UPP2: variants seen among roughly 807,000 people sequenced by gnomAD.
UPP2 encodes uridine phosphorylase 2.
Under a neutral mutation model 26.7 loss-of-function variants are expected in UPP2, and 23 were observed. The ratio of observed to expected loss-of-function variants is 0.86; its 90% CI spans 0.62 to 1.22. The LOEUF is 1.22. Ranked by LOEUF, UPP2 falls within the 50% of genes most tolerant of loss-of-function variation. The probability of loss-of-function intolerance (pLI) is 0.00; values close to 1 mark genes in which losing one functional copy is unlikely to be tolerated. For synonymous variants in UPP2, 127 were observed against 141.3 expected, an observed-to-expected ratio of 0.90 and a Z score of 0.72; for missense variants, 387 against 396.7, an observed-to-expected ratio of 0.98 and a Z score of 0.21.
chr2:157,995,927 C>A (rs1683318406), intron 2 of UPP2, among the ~76,000 whole-genome samples: 1 of 151,838 alleles, frequency 6.6e-6, no homozygotes, highest in Admixed American at 6.6e-5. Flanking sequence ...AGTGAAATAT[C>A]CTATTCAAAG....
At chr2:158,036,994 T>C (rs1248539366) in intron 3 of UPP2, among the ~76,000 whole-genome samples, 1 of 152,166 alleles carries the variant, frequency 6.6e-6, no homozygotes, top group Non-Finnish European at 1.5e-5. Flanking sequence ...GTTTCCTATC[T>C]TCAAGTTCAT....
chr2:158,023,607 C>A (rs533972739), intron 3 of UPP2, among the ~76,000 whole-genome samples: 1 of 152,126 alleles, frequency 6.6e-6, no homozygotes, highest in Non-Finnish European at 1.5e-5. Context: ...TGGTCTCTTG[C>A]CTTTCACATC....
chr2:158,001,425 G>C (rs561609192), intron 2 of UPP2, among the ~76,000 whole-genome samples: 31 of 152,194 alleles, frequency 2.0e-4, no homozygotes, highest in African/African-American at 7.2e-4. Flanking sequence ...AGTGGCCCAA[G>C]GAGAGGGAGC....
At chr2:158,017,951 A>G (rs1248797576) in intron 3 of UPP2, among the ~76,000 whole-genome samples, 1 of 152,198 alleles carries the variant, frequency 6.6e-6, no homozygotes, top group Admixed American at 6.5e-5. Flanking sequence ...TATATGTCAT[A>G]TATATATGCA....
chr2:158,002,923 TTTC>T (rs983410786), intron 2 of UPP2, among the ~76,000 whole-genome samples: 4 of 152,172 alleles, frequency 2.6e-5, no homozygotes, highest in Admixed American at 6.5e-5. Context: ...TCCTTTTTCT[TTTC>T]TTTCATCTCT....
At chr2:158,119,149 G>C (rs780984013) in intron 4 of UPP2, among the ~76,000 whole-genome samples, 6 of 152,038 alleles carry the variant, frequency 3.9e-5, no homozygotes, top group African/African-American at 1.4e-4. Flanking sequence ...TGGGTTGTGG[G>C]TTACAAGGAT....
At chr2:158,125,713 C>T (rs1056160006) in intron 6 of UPP2, among the ~76,000 whole-genome samples, 1 of 152,178 alleles carries the variant, frequency 6.6e-6, no homozygotes, top group Non-Finnish European at 1.5e-5. Flanking sequence ...AGCCACCACG[C>T]CCAGCCCATC....
chr2:158,079,934 C>T lies in UPP2; in HGVS notation c.148-22106C>T, dbSNP rs184695360. 2.1e-3 allele frequency among the ~76,000 whole-genome samples: 315 copies of T among 152,262 alleles called. 2 individuals carry two copies. The highest frequency in any genetic ancestry group is 2.2e-3 in the Non-Finnish European group (150 of 68,020). The stretch of plus-strand genomic sequence containing the variant: ...ACTATTTGCACAGAGACAACCAAGC[C>T]ATTCAGCGTAATCATCATCTGTGTT... On this transcript the variant is annotated intron_variant, in intron 3 of 9. Coordinates refer to the UPP2 transcript ENST00000605860.
At chr2:158,025,417 G>T (rs1244055718) in intron 3 of UPP2, among the ~76,000 whole-genome samples, 1 of 152,130 alleles carries the variant, frequency 6.6e-6, no homozygotes, top group Non-Finnish European at 1.5e-5. Flanking sequence ...GAGTGTGGAG[G>T]CCAGCAGGCC....
At chr2:158,118,220 T>G (rs555517472) in intron 4 of UPP2, among the ~76,000 whole-genome samples, 1 of 151,940 alleles carries the variant, frequency 6.6e-6, no homozygotes, top group East Asian at 1.9e-4. Flanking sequence ...AAGATATGTT[T>G]TGAGGGTAGG....
At position 158,102,013 on chromosome 2, in the gene UPP2, A is replaced by C; in HGVS notation, c.-51A>C. ...CTATAATTTAATAACAAGTCACAAT[A>C]TCTCTCTTTCTTGACATCAATTTAA... On this transcript the variant is annotated 5_prime_UTR_variant, in exon 1 of 7. Coordinates refer to ENST00000005756, the MANE Select transcript of UPP2 (RefSeq NM_173355.4). 1.2e-6 allele frequency: 2 copies of C among 1,607,378 alleles called. No individual in the cohort carries two copies. The highest frequency in any genetic ancestry group is 1.7e-6 in the Non-Finnish European group (2 of 1,177,944).
intron 3 of UPP2, chr2:158,066,149 T>C (rs1298818953): frequency 5.3e-6 from 1 of 190,306 alleles, no homozygotes; most frequent in Non-Finnish European, 1.1e-5. Context: ...GCCAACATGT[T>C]GGCTTTGAGT....
At chr2:158,067,808 A>G (rs1470597055) in intron 3 of UPP2, among the ~76,000 whole-genome samples, 1 of 152,188 alleles carries the variant, frequency 6.6e-6, no homozygotes, top group Admixed American at 6.5e-5. Flanking sequence ...ATGAACTAAA[A>G]TGTTTTCAAT....
At chr2:158,064,885 T>A (rs1682410704) in intron 3 of UPP2, among the ~76,000 whole-genome samples, 1 of 152,198 alleles carries the variant, frequency 6.6e-6, no homozygotes, top group African/African-American at 2.4e-5. Flanking sequence ...TTGTCAAAGA[T>A]CAGATGGTTG....
chr2:158,045,679 G>T (rs1684143040), intron 3 of UPP2, among the ~76,000 whole-genome samples: 1 of 152,186 alleles, frequency 6.6e-6, no homozygotes, highest in Non-Finnish European at 1.5e-5. Context: ...CAATGTAGAG[G>T]AAACAGAGTT....
chr2:158,015,455 A>G (rs1453736064), intron 2 of UPP2, among the ~76,000 whole-genome samples: 2 of 152,192 alleles, frequency 1.3e-5, no homozygotes, highest in African/African-American at 4.8e-5. Flanking sequence ...CACTGTATGT[A>G]TATGCCACAT....
Position 158,093,148 on chromosome 2 carries a change from T to C in UPP2, c.148-8892T>C, listed in dbSNP as rs377117761. 1.1e-4 allele frequency among the ~76,000 whole-genome samples: 16 copies of C among 152,192 alleles called. 1 individual carries two copies. Among genetic ancestry groups the C allele is most frequent in the East Asian group, 7.8e-4 (4 of 5,156 alleles). On this transcript the variant is annotated intron_variant, in intron 3 of 9. Transcript: ENST00000605860. ...ATTGGCTAGGCTGGTCTCAAACTCC[T>C]GACGTCAAGTAATCTGTCCACCTCA...
chr2:158,096,196 C>T (rs760631798), intron 3 of UPP2, among the ~76,000 whole-genome samples: 3 of 151,990 alleles, frequency 2.0e-5, no homozygotes, highest in Admixed American at 1.3e-4. Flanking sequence ...GAGTCAGGCT[C>T]GTGATAAGAA....
chr2:158,113,754 C>T (rs1033814143), intron 2 of UPP2, among the ~76,000 whole-genome samples: 2 of 152,122 alleles, frequency 1.3e-5, no homozygotes, highest in African/African-American at 4.8e-5. Context: ...TGTGATGGAC[C>T]TTGTCAGCCC....
Sources: gnomAD v4.1 joint callset for allele counts (sites outside exome capture counted in the v4.1 genomes callset) on GRCh38, gnomAD v4.1.1 for gene constraint, MANE v1.5 for transcripts, NCBI Gene and HGNC (gene_info 2026-07-23, HGNC 2026-07-21) for gene names.